Variants in EYS observed in about 807,000 individuals in gnomAD.
EYS encodes the protein protein eyes shut homolog.
In EYS, 250 loss-of-function variants were observed where a neutral mutation model predicts 282.1. The observed-to-expected ratio is 0.89, with a 90% CI of 0.80 to 0.98. EYS has a LOEUF of 0.98. Among genes scored for constraint, EYS ranks in the 50% least tolerant of loss-of-function variants. The pLI, the probability that EYS is intolerant of heterozygous loss-of-function variation, is 0.00. For synonymous variants in EYS, 1,355 were observed against 1,282.9 expected (o/e 1.06, Z -1.20); for missense variants, 4,016 against 3,709.0 (o/e 1.08, Z -2.15).
chr6:64,744,446 T>C (rs903310033), intron 22 of EYS, among the ~76,000 whole-genome samples: 7 of 152,164 alleles, frequency 4.6e-5, no homozygotes, highest in African/African-American at 1.4e-4. Flanking sequence ...TGGGTTATTC[T>C]AGACATTTTC....
At chr6:65,027,293 T>C (rs181966812) in intron 13 of EYS, among the ~76,000 whole-genome samples, 179 of 152,336 alleles carry the variant, frequency 1.2e-3, no homozygotes, top group Middle Eastern at 3.4e-3. Context: ...TCTAATGTCA[T>C]ACTTTTCTAA....
At chr6:64,644,287 A>C (rs905743446) in intron 22 of EYS, among the ~76,000 whole-genome samples, 4 of 149,978 alleles carry the variant, frequency 2.7e-5, no homozygotes, top group African/African-American at 9.8e-5. Context: ...TGAGCCATAA[A>C]AATTCTATAT....
At chr6:65,278,065 C>CTTTTCTTTTCTTTTCTTT (rs1236190164) in intron 12 of EYS, among the ~76,000 whole-genome samples, 1 of 3,440 alleles carries the variant, frequency 2.9e-4, no homozygotes, top group Admixed American at 2.5e-3. Context: ...TTCTTTTTTT[C>CTTTTCTTTTCTTTTCTTT]TGCCTTCCGT....
chr6:65,437,023 ATAAAG>A (rs769627802), intron 5 of EYS, among the ~76,000 whole-genome samples: 3 of 152,276 alleles, frequency 2.0e-5, no homozygotes, highest in Admixed American at 1.3e-4. Flanking sequence ...ACAGTAAGTA[ATAAAG>A]TATAGTATTT....
chr6:65,170,726 T>A lies in EYS; in HGVS notation c.2024-112999A>T, dbSNP rs538500150. Among the ~76,000 whole-genome samples the A allele has an allele frequency of 2.0e-5, 3 of 151,614 alleles. No homozygotes were observed. In the South Asian group the frequency reaches 6.2e-4, roughly 31 times the overall value. ...GTTACATTTTAATACATCAGCCAAA[T>A]ACTATGGCATTAAGAATTGAATTAC... On this transcript the variant is annotated intron_variant, in intron 12 of 42. Transcript: ENST00000503581.
chr6:65,362,512 T>C (rs1764747951), intron 8 of EYS, among the ~76,000 whole-genome samples: 1 of 151,778 alleles, frequency 6.6e-6, no homozygotes, highest in African/African-American at 2.4e-5. Context: ...TAAATGTATA[T>C]ACACATGCAT....
intron 2 of EYS, among the ~76,000 whole-genome samples, chr6:65,523,334 G>A (rs188486030): frequency 6.6e-5 from 10 of 152,126 alleles, no homozygotes; most frequent in East Asian, 3.9e-4. Context: ...ACAGAATGGC[G>A]TACTATTCAG....
intron 5 of EYS, among the ~76,000 whole-genome samples, chr6:65,411,815 CTT>C (rs199628455): frequency 1.5e-5 from 2 of 136,762 alleles, no homozygotes. Context: ...ACCAATACGT[CTT>C]TTTTTTTTTT....
At chr6:64,665,783 T>G (rs1433398936) in intron 22 of EYS, among the ~76,000 whole-genome samples, 1 of 152,200 alleles carries the variant, frequency 6.6e-6, no homozygotes, top group Non-Finnish European at 1.5e-5. Context: ...CTCTTACTGT[T>G]TTCCAAAGCT....
chr6:64,270,919 T>A (rs918779384), intron 30 of EYS, among the ~76,000 whole-genome samples: 1 of 152,204 alleles, frequency 6.6e-6, no homozygotes, highest in Non-Finnish European at 1.5e-5. Context: ...ATGGTGTATG[T>A]ACACTGTATT....
chr6:65,144,475 G>A (rs375411517), intron 12 of EYS, among the ~76,000 whole-genome samples: 6 of 152,058 alleles, frequency 3.9e-5, no homozygotes, highest in Non-Finnish European at 5.9e-5. Flanking sequence ...GAGAGAAAAC[G>A]AATTTGGTTA....
At chr6:64,303,581 G>A (rs560464829) in intron 30 of EYS, among the ~76,000 whole-genome samples, 184 of 152,164 alleles carry the variant, frequency 1.2e-3, no homozygotes, top group Admixed American at 2.7e-3. Context: ...GGTGGCTCAC[G>A]CCTGTAATCC....
Position 64,591,164 on chromosome 6 carries a change from C to T in EYS, c.4703G>A (p.Arg1568His), listed in dbSNP as rs1326064456. 2.2e-5 allele frequency: 34 copies of T among 1,551,234 alleles called. No homozygotes were observed. The highest frequency in any genetic ancestry group is 2.9e-5 in the Non-Finnish European group (33 of 1,146,744). Residue 1568 changes from arginine to histidine, a missense_variant, in exon 26 of 43, where the codon CGT (arginine) becomes CAT (histidine). Transcript: ENST00000503581. ...ATGCAAAACTTGATCTGAGAATTCA[C>T]GAGAGGATTTTATTTCAGTCATAGA... Reference protein sequence around the residue: ...TCSMTEIKSSREFSDQVLHSK... With the variant: ...TCSMTEIKSSHEFSDQVLHSK...
At chr6:65,101,542 T>C (rs1202717716) in intron 12 of EYS, among the ~76,000 whole-genome samples, 1 of 151,322 alleles carries the variant, frequency 6.6e-6, no homozygotes, top group African/African-American at 2.4e-5. Flanking sequence ...CAGCCAAATC[T>C]AAAGCAGTAA....
intron 26 of EYS, among the ~76,000 whole-genome samples, chr6:64,442,200 T>C (rs942474152): frequency 3.3e-5 from 5 of 152,188 alleles, no homozygotes; most frequent in East Asian, 1.9e-4. Context: ...ACCCTTGTTA[T>C]GTTTTAGAAA....
chr6:63,830,939 AC>A (rs1771615497), intron 36 of EYS, among the ~76,000 whole-genome samples: 1 of 152,232 alleles, frequency 6.6e-6, no homozygotes, highest in Non-Finnish European at 1.5e-5. Context: ...AGGATTTTCA[AC>A]CCAGAATTTC....
intron 22 of EYS, among the ~76,000 whole-genome samples, chr6:64,649,098 T>C (rs1768459877): frequency 1.3e-5 from 2 of 152,074 alleles, no homozygotes; most frequent in African/African-American, 4.8e-5. Flanking sequence ...AATTGATGAG[T>C]CCAGATGAAG....
chr6:64,554,783 G>A (rs1428005934), intron 26 of EYS, among the ~76,000 whole-genome samples: 9 of 151,868 alleles, frequency 5.9e-5, no homozygotes, highest in Non-Finnish European at 1.0e-4. Flanking sequence ...AATGTTTAAT[G>A]CCACTATTCT....
At chr6:63,853,162 G>A (rs1350630509) in intron 36 of EYS, among the ~76,000 whole-genome samples, 2 of 152,132 alleles carry the variant, frequency 1.3e-5, no homozygotes, top group African/African-American at 2.4e-5. Flanking sequence ...GAAATAATGG[G>A]TGTTCAAATA....
Sources: allele counts gnomAD v4.1 joint callset (sites outside exome capture counted in the v4.1 genomes callset), GRCh38; gene constraint gnomAD v4.1.1; transcripts MANE v1.5; gene names NCBI Gene and HGNC (gene_info 2026-07-23, HGNC 2026-07-21).